Variants in KBTBD6 observed in about 807,000 individuals in gnomAD.
KBTBD6 encodes kelch repeat and BTB domain containing 6.
Under a neutral mutation model 34.4 loss-of-function variants are expected in KBTBD6, and 6 were observed. The observed-to-expected ratio is 0.17, with a 90% CI of 0.10 to 0.34. The LOEUF is 0.34. Among genes scored for constraint, KBTBD6 ranks in the 10% least tolerant of loss-of-function variants. KBTBD6 has a pLI of 1.00. For missense variants in KBTBD6, 557 were observed against 856.0 expected, an observed-to-expected ratio of 0.65 and a Z score of 4.36; for synonymous variants, 288 against 327.2, an observed-to-expected ratio of 0.88 and a Z score of 1.29.
In KBTBD6 at chr13:41,127,821, C is replaced by T. The variant is rs373807319; in HGVS notation, c.*2666G>A. 2.0e-5 allele frequency: 3 copies of T among 152,058 alleles called. No homozygotes were observed. The highest frequency in any genetic ancestry group is 7.2e-5 in the African/African-American group (3 of 41,408). The allele number at this position is 152,058 out of a possible 1,614,324, so 9.4% of individuals were successfully genotyped here. On this transcript the variant is annotated 3_prime_UTR_variant, in exon 1 of 1. Coordinates refer to ENST00000379485, the MANE Select transcript of KBTBD6 (RefSeq NM_152903.5). Reference sequence around the variant, plus strand: ...GAGATAAGCACTGTCATGTTTCAACCTTAGAGAACAAAAAGCTATCAACAA... The same window carrying T: ...GAGATAAGCACTGTCATGTTTCAACTTTAGAGAACAAAAAGCTATCAACAA...
In KBTBD6 at chr13:41,131,054, G is replaced by A. The variant is rs954744540; in HGVS notation, c.1458C>T (p.Leu486=). The A allele has an allele frequency of 6.2e-7, 1 of 1,614,172 alleles. No individual in the cohort carries two copies. Among genetic ancestry groups the A allele is most frequent in the Admixed American group, 1.7e-5 (1 of 60,026 alleles). The change falls in exon 1 of 1, where the codon CTC becomes CTT. Residue 486 remains leucine, a synonymous_variant. Transcript: ENST00000379485. The surrounding 1 kb of genome is among the most constrained non-coding windows in gnomAD (Gnocchi z 5.8). The part of the protein sequence containing the change: ...SFDLMVIRDY[L]YALNSKRMFC... Reference sequence around the variant, plus strand: ...ACATGCGCTTACTGTTGAGAGCATAGAGATAGTCTCGAATTACCATTAGGT... The same window carrying A: ...ACATGCGCTTACTGTTGAGAGCATAAAGATAGTCTCGAATTACCATTAGGT...
chr13:41,130,370 T>C lies in KBTBD6; in HGVS notation c.*117A>G, dbSNP rs2030067065. 2 of 722,878 alleles carry C rather than the reference T, an allele frequency of 2.8e-6. No individual in the cohort carries two copies. The highest frequency in any genetic ancestry group is 3.6e-5 in the African/African-American group (2 of 56,298). The allele number at this position is 722,878 out of a possible 1,614,324, so 44.8% of individuals were successfully genotyped here. On this transcript the variant is annotated 3_prime_UTR_variant, in exon 1 of 1. Transcript: ENST00000379485. This position sits in a 1 kb window ranked among gnomAD's most constrained non-coding sequence, Gnocchi z 4.8. ...ACTTTTTCTAAACCAAACCAGAAGTTAATCAACTTTTCCTCTCCTTTAGGA... is the reference window on the plus strand; with the variant it reads ...ACTTTTTCTAAACCAAACCAGAAGTCAATCAACTTTTCCTCTCCTTTAGGA...
At position 41,129,540 on chromosome 13, in the gene KBTBD6, G is replaced by T. The variant is rs181270160; in HGVS notation, c.*947C>A. On this transcript the variant is annotated 3_prime_UTR_variant, in exon 1 of 1. Coordinates refer to ENST00000379485, the MANE Select transcript of KBTBD6 (RefSeq NM_152903.5). Reference sequence around the variant, plus strand: ...TTAAAACGAAACTTCTTTTCAAACAGTAGAATCCTGGTTTGTTGTTTTTAC... The same window carrying T: ...TTAAAACGAAACTTCTTTTCAAACATTAGAATCCTGGTTTGTTGTTTTTAC... 2 of 151,014 alleles carry T rather than the reference G, an allele frequency of 1.3e-5. No homozygotes were observed. The highest frequency in any genetic ancestry group is 4.9e-5 in the African/African-American group (2 of 41,120). The allele number at this position is 151,014 out of a possible 1,614,324, so 9.4% of individuals were successfully genotyped here.
At position 41,132,554 on chromosome 13, in the gene KBTBD6, G is replaced by A. The variant is rs759953996; in HGVS notation, c.-43C>T. 6.3e-7 allele frequency: 1 copy of A among 1,590,102 alleles called. No homozygotes were observed. The highest frequency in any genetic ancestry group is 1.1e-5 in the South Asian group (1 of 87,624). The stretch of plus-strand genomic sequence containing the variant: ...GCGCTGATGGCGAGAAACGCTGCAG[G>A]ACCCGGCTCTGGCTCCTCCTCAACC... On this transcript the variant is annotated 5_prime_UTR_variant, in exon 1 of 1. Transcript: ENST00000379485.
rs1453686528 is a variant in KBTBD6 at position 41,131,582 on chromosome 13, A to G, written c.930T>C (p.Ser310=). The change falls in exon 1 of 1, where the codon TCT becomes TCC. Residue 310 remains serine (S), a synonymous_variant. Transcript: ENST00000379485. The surrounding 1 kb of genome is among the most constrained non-coding windows in gnomAD (Gnocchi z 5.8). The part of the protein sequence containing the change: ...QMRYGDLLYK[S]LVPVPNSSSS... ...TGCTGCTGTTTGGCACTGGCACCAGAGACTTGTACAACAGGTCACCATAGC... is the reference window on the plus strand; with the variant it reads ...TGCTGCTGTTTGGCACTGGCACCAGGGACTTGTACAACAGGTCACCATAGC... 1.2e-6 allele frequency: 2 copies of G among 1,613,878 alleles called. No individual in the cohort carries two copies. Among genetic ancestry groups the G allele is most frequent in the Non-Finnish European group, 8.5e-7 (1 of 1,179,920 alleles).
At position 41,129,130 on chromosome 13, in the gene KBTBD6, A is replaced by T. The variant is rs1227113370; in HGVS notation, c.*1357T>A. 6.5e-6 allele frequency: 1 copy of T among 152,676 alleles called. No homozygotes were observed. The highest frequency in any genetic ancestry group is 1.5e-5 in the Non-Finnish European group (1 of 68,044). 9.5% of individuals were successfully genotyped at this position (152,676 alleles called of 1,614,324 possible). A position where few individuals can be genotyped will look rare whatever the true frequency, so the allele number is the denominator to read the frequency against. ...TTTATAGTTAACACAATGACTACTGATATCAACGAAATACTGTTTTTAGCT... is the reference window on the plus strand; with the variant it reads ...TTTATAGTTAACACAATGACTACTGTTATCAACGAAATACTGTTTTTAGCT... On this transcript the variant is annotated 3_prime_UTR_variant, in exon 1 of 1. Coordinates refer to ENST00000379485, the MANE Select transcript of KBTBD6 (RefSeq NM_152903.5).
rs1191445698 is a variant in KBTBD6 at position 41,131,085 on chromosome 13, G to A, written c.1427C>T (p.Ser476Phe). Residue 476 changes from serine (S) to phenylalanine (F), a missense_variant, in exon 1 of 1, where the codon TCC becomes TTC. Physicochemically the swap from Ser to Phe is radical, Grantham distance 155. Coordinates refer to ENST00000379485, the MANE Select transcript of KBTBD6 (RefSeq NM_152903.5). This position sits in a 1 kb window ranked among gnomAD's most constrained non-coding sequence, Gnocchi z 5.8. ...LVAPLPHSFLSFDLMVIRDYL... is the reference protein window; with the variant it reads ...LVAPLPHSFLFFDLMVIRDYL... ...GTCTCGAATTACCATTAGGTCAAAG[G>A]ATAAAAAAGAATGGGGCAGTGGAGC... 2.5e-6 allele frequency: 4 copies of A among 1,614,086 alleles called. No individual in the cohort carries two copies. Among genetic ancestry groups the A allele is most frequent in the Non-Finnish European group, 3.4e-6 (4 of 1,180,004 alleles).
Position 41,130,935 on chromosome 13 carries a change from T to C in KBTBD6, c.1577A>G (p.Tyr526Cys), listed in dbSNP as rs767862079. The C allele has an allele frequency of 6.2e-6, 10 of 1,614,100 alleles. No individual in the cohort carries two copies. The highest frequency in any genetic ancestry group is 6.8e-6 in the Non-Finnish European group (8 of 1,179,958). ...QEACVFNEEI[Y>C]CICDIPVMKV... ...CATGACTGGGATATCACAGATACAA[T>C]AGATCTCCTCATTGAAGACGCAGGC... Residue 526 changes from tyrosine to cysteine, a missense_variant, in exon 1 of 1, where the codon TAT becomes TGT. By Grantham distance (194) the Tyr-to-Cys change is radical. Transcript: ENST00000379485. This position sits in a 1 kb window ranked among gnomAD's most constrained non-coding sequence, Gnocchi z 4.8.
chr13:41,128,849 T>C lies in KBTBD6; in HGVS notation c.*1638A>G, dbSNP rs569483737. 1.3e-5 allele frequency: 3 copies of C among 223,178 alleles called. No individual in the cohort carries two copies. Among genetic ancestry groups the C allele is most frequent in the African/African-American group, 6.7e-5 (3 of 44,714 alleles). 13.8% of individuals were successfully genotyped at this position (223,178 alleles called of 1,614,324 possible). ...GACATATTTTTTATTTTTGTAGAGA[T>C]GGGGTTTTGCTATGTTGCCCAGGCT... On this transcript the variant is annotated 3_prime_UTR_variant, in exon 1 of 1. Transcript: ENST00000379485.
chr13:41,130,762 T>A lies in KBTBD6; in HGVS notation c.1750A>T (p.Thr584Ser). 1.2e-6 allele frequency: 2 copies of A among 1,614,216 alleles called. No homozygotes were observed. Among genetic ancestry groups the A allele is most frequent in the Non-Finnish European group, 1.7e-6 (2 of 1,180,048 alleles). ...CCCCTAATATCATATTCATACACAG[T>A]CACCCGGTTCTTTTTCCACTGTGGG... is the stretch of plus-strand genomic sequence containing the variant. ...RTPQWKKNRV[T>S]VYEYDIRGDQ... Residue 584 changes from threonine (T) to serine (S), a missense_variant, in exon 1 of 1, where the codon ACT becomes TCT. Transcript: ENST00000379485. The surrounding 1 kb of genome is among the most constrained non-coding windows in gnomAD (Gnocchi z 4.8).
In KBTBD6 at chr13:41,131,488, C is replaced by T; in HGVS notation, c.1024G>A (p.Ala342Thr). The T allele has an allele frequency of 1.2e-6, 2 of 1,614,192 alleles. No individual in the cohort carries two copies. The highest frequency in any genetic ancestry group is 2.2e-5 in the South Asian group (2 of 91,084). Reference protein sequence around the residue: ...ENPPQRLGMCAKEMVIFFGHP... With the variant: ...ENPPQRLGMCTKEMVIFFGHP... ...CCAAAGAAGATCACCATCTCCTTGGCACACATACCCAGTCTCTGGGGTGGA... is the reference window on the plus strand; with the variant it reads ...CCAAAGAAGATCACCATCTCCTTGGTACACATACCCAGTCTCTGGGGTGGA... The change falls in exon 1 of 1, where the codon GCC becomes ACC. Residue 342 changes from alanine to threonine, a missense_variant. This residue lies in a region of KBTBD6 where 309 missense variants were observed against 504.5 expected (regional missense o/e 0.61). Transcript: ENST00000379485. This position sits in a 1 kb window ranked among gnomAD's most constrained non-coding sequence, Gnocchi z 5.8.
In KBTBD6 at chr13:41,128,681, T is replaced by G; in HGVS notation, c.*1806A>C. 1 of 377,910 alleles carries G rather than the reference T, an allele frequency of 2.6e-6. No individual in the cohort carries two copies. Among genetic ancestry groups the G allele is most frequent in the Non-Finnish European group, 4.7e-6 (1 of 212,092 alleles). The allele number at this position is 377,910 out of a possible 1,614,324, so 23.4% of individuals were successfully genotyped here. A position where few individuals can be genotyped will look rare whatever the true frequency, so the allele number is the denominator to read the frequency against. The stretch of plus-strand genomic sequence containing the variant: ...TCTCGTTCTGTTGCCAAAGCTGGAG[T>G]GCTGAGACATGATCATAGCTGCAGT... On this transcript the variant is annotated 3_prime_UTR_variant, in exon 1 of 1. Transcript: ENST00000379485.
chr13:41,131,292 A>T lies in KBTBD6; in HGVS notation c.1220T>A (p.Val407Glu), dbSNP rs2030086168. Reference protein sequence around the residue: ...LAAQPRTDLWVYKPAQNSWQQ... With the variant: ...LAAQPRTDLWEYKPAQNSWQQ... ...CCAACTATTCTGAGCTGGTTTATAC[A>T]CCCAGAGGTCTGTCCTGGGCTGAGC... is the stretch of plus-strand genomic sequence containing the variant. The change falls in exon 1 of 1, where the codon GTG (valine) becomes GAG (glutamate). Residue 407 changes from valine (V) to glutamate (E), a missense_variant. Physicochemically the swap from Val to Glu is moderately radical, Grantham distance 121. Transcript: ENST00000379485. The surrounding 1 kb of genome is among the most constrained non-coding windows in gnomAD (Gnocchi z 5.8). 6.2e-7 allele frequency: 1 copy of T among 1,614,048 alleles called. No homozygotes were observed. The highest frequency in any genetic ancestry group is 8.5e-7 in the Non-Finnish European group (1 of 1,180,034).
chr13:41,132,779 T>TA lies in KBTBD6; in HGVS notation c.-269dup. Reference sequence around the variant, plus strand: ...GCTGGCTTGGAGCCGCAGAAGCCGCTACTGCAGCGTGGGCGACAATGCTAG... The same window carrying TA: ...GCTGGCTTGGAGCCGCAGAAGCCGCTAACTGCAGCGTGGGCGACAATGCTAG... On this transcript the variant is annotated 5_prime_UTR_variant, in exon 1 of 1. Transcript: ENST00000379485. The TA allele has an allele frequency of 2.0e-6, 1 of 505,842 alleles. No homozygotes were observed. Among genetic ancestry groups the TA allele is most frequent in the Non-Finnish European group, 3.6e-6 (1 of 276,928 alleles). 31.3% of individuals were successfully genotyped at this position (505,842 alleles called of 1,614,324 possible).
Position 41,132,186 on chromosome 13 carries a change from T to C in KBTBD6, c.326A>G (p.Gln109Arg). The change falls in exon 1 of 1, where the codon CAG becomes CGG. Residue 109 changes from glutamine to arginine, a missense_variant. By Grantham distance (43) the Gln-to-Arg change is conservative (BLOSUM62 1). Transcript: ENST00000379485. ...CACATCGTGCATGGTCACGCTGGCCTGCTGGCTCTCGTACATGCCACCTGT... is the reference window on the plus strand; with the variant it reads ...CACATCGTGCATGGTCACGCTGGCCCGCTGGCTCTCGTACATGCCACCTGT... Reference protein sequence around the residue: ...MFTGGMYESQQASVTMHDVDA... With the variant: ...MFTGGMYESQRASVTMHDVDA... 1.2e-6 allele frequency: 2 copies of C among 1,614,246 alleles called. No individual in the cohort carries two copies. The highest frequency in any genetic ancestry group is 8.5e-7 in the Non-Finnish European group (1 of 1,180,044).
rs2030019153 is a variant in KBTBD6 at position 41,127,754 on chromosome 13, CA to C, written c.*2732del. ...GACGAATTCAAGAATTTCTTTCATACATAAATTGCTTTCCTTAGTTCTGCAG... is the reference window on the plus strand; with the variant it reads ...GACGAATTCAAGAATTTCTTTCATACTAAATTGCTTTCCTTAGTTCTGCAG... On this transcript the variant is annotated 3_prime_UTR_variant, in exon 1 of 1. Coordinates refer to ENST00000379485, the MANE Select transcript of KBTBD6 (RefSeq NM_152903.5). The C allele has an allele frequency of 6.6e-6, 1 of 152,200 alleles. No individual in the cohort carries two copies. 9.4% of individuals were successfully genotyped at this position (152,200 alleles called of 1,614,324 possible).
Position 41,130,917 on chromosome 13 carries a change from G to A in KBTBD6, c.1595C>T (p.Pro532Leu). 1 of 1,614,066 alleles carries A rather than the reference G, an allele frequency of 6.2e-7. No individual in the cohort carries two copies. ...AACTGGGTTGTAGACCTTCATGACT[G>A]GGATATCACAGATACAATAGATCTC... ...NEEIYCICDIPVMKVYNPVRA... is the reference protein window; with the variant it reads ...NEEIYCICDILVMKVYNPVRA... Residue 532 changes from proline (P) to leucine (L), a missense_variant, in exon 1 of 1, where the codon CCA becomes CTA. This residue lies in a region of KBTBD6 where 309 missense variants were observed against 504.5 expected (regional missense o/e 0.61). Coordinates refer to ENST00000379485, the MANE Select transcript of KBTBD6 (RefSeq NM_152903.5). This position sits in a 1 kb window ranked among gnomAD's most constrained non-coding sequence, Gnocchi z 4.8.
In KBTBD6 at chr13:41,132,481, G is replaced by A; in HGVS notation, c.31C>T (p.Arg11Cys). The change falls in exon 1 of 1, where the codon CGC (arginine) becomes TGC (cysteine). Residue 11 changes from arginine to cysteine, a missense_variant. This residue lies in a region of KBTBD6 where 40 missense variants were observed against 39.9 expected (regional missense o/e 1.00). Coordinates refer to ENST00000379485, the MANE Select transcript of KBTBD6 (RefSeq NM_152903.5). The stretch of plus-strand genomic sequence containing the variant: ...CCACCACGGGGACTGGCTAGGCGGC[G>A]AGAGCGCGGGGCGTCTTCCCGGGAC... MQSREDAPRS[R>C]RLASPRGGKR... is the part of the protein sequence containing the mutation. 2 of 1,614,196 alleles carry A rather than the reference G, an allele frequency of 1.2e-6. No individual in the cohort carries two copies. The highest frequency in any genetic ancestry group is 1.1e-5 in the South Asian group (1 of 91,086).
rs757564499 is a variant in KBTBD6, at chr13:41,130,921, T to C, written c.1591A>G (p.Ile531Val). 6.2e-7 allele frequency: 1 copy of C among 1,614,150 alleles called. No homozygotes were observed. Among genetic ancestry groups the C allele is most frequent in the Non-Finnish European group, 8.5e-7 (1 of 1,180,002 alleles). ...GGGTTGTAGACCTTCATGACTGGGA[T>C]ATCACAGATACAATAGATCTCCTCA... is the stretch of plus-strand genomic sequence containing the variant. Reference protein sequence around the residue: ...FNEEIYCICDIPVMKVYNPVR... With the variant: ...FNEEIYCICDVPVMKVYNPVR... Residue 531 changes from isoleucine (I) to valine (V), a missense_variant, in exon 1 of 1, where the codon ATC becomes GTC. Coordinates refer to ENST00000379485, the MANE Select transcript of KBTBD6 (RefSeq NM_152903.5). This position sits in a 1 kb window ranked among gnomAD's most constrained non-coding sequence, Gnocchi z 4.8.
Sources: allele counts gnomAD v4.1 joint callset, GRCh38; gene constraint gnomAD v4.1.1; regional missense constraint gnomAD v4.1.1; non-coding constraint Gnocchi (gnomAD v3.1); transcripts MANE v1.5; gene names NCBI Gene and HGNC (gene_info 2026-07-23, HGNC 2026-07-21).